AKAP6: variants seen among roughly 807,000 people sequenced by gnomAD.
AKAP6 encodes the protein A-kinase anchor protein 6.
In AKAP6, 58 loss-of-function variants were observed where a neutral mutation model predicts 188.5. The ratio of observed to expected loss-of-function variants is 0.31; its 90% confidence interval spans 0.25 to 0.38. AKAP6 has a LOEUF of 0.38. Ranked by LOEUF, AKAP6 falls within the 10% of genes least tolerant of loss-of-function variation. The pLI is 1.00. For missense variants in AKAP6, 2,710 were observed against 2,740.0 expected (o/e 0.99, Z 0.24); for synonymous variants, 989 against 998.6 (o/e 0.99, Z 0.18).
chr14:32,536,030 G>GT (rs1361126388), intron 3 of AKAP6, among the ~76,000 whole-genome samples: 1 of 152,194 alleles, frequency 6.6e-6, no homozygotes, highest in Admixed American at 6.5e-5. Flanking sequence ...GCCATTCATT[G>GT]TTATTGATGC....
At chr14:32,557,672 C>T (rs1408501801) in intron 4 of AKAP6, among the ~76,000 whole-genome samples, 1 of 152,150 alleles carries the variant, frequency 6.6e-6, no homozygotes, top group African/African-American at 2.4e-5. Context: ...TATCAGGAAG[C>T]GTCTTGAGGC....
At chr14:32,392,949 A>AT (rs2138588869) in intron 1 of AKAP6, among the ~76,000 whole-genome samples, 1 of 152,234 alleles carries the variant, frequency 6.6e-6, no homozygotes, top group South Asian at 2.1e-4. Flanking sequence ...ACCATTTATT[A>AT]TTTTTTAATT....
chr14:32,598,958 A>G (rs1190096232), intron 5 of AKAP6, among the ~76,000 whole-genome samples: 1 of 152,184 alleles, frequency 6.6e-6, no homozygotes, highest in East Asian at 1.9e-4. Context: ...TGAGAAACAG[A>G]ACTGAATCAA....
At chr14:32,394,953 G>A (rs1888831402) in intron 1 of AKAP6, among the ~76,000 whole-genome samples, 1 of 152,136 alleles carries the variant, frequency 6.6e-6, no homozygotes, top group Non-Finnish European at 1.5e-5. Flanking sequence ...ATCACTGAGT[G>A]GATCCTGAAA....
intron 11 of AKAP6, among the ~76,000 whole-genome samples, chr14:32,768,056 G>C (rs1336348006): frequency 6.6e-6 from 1 of 152,106 alleles, no homozygotes; most frequent in Non-Finnish European, 1.5e-5. Flanking sequence ...ATAATGAAAA[G>C]TATAAAGTTT....
At chr14:32,750,750 T>TTG (rs397835626) in intron 11 of AKAP6, among the ~76,000 whole-genome samples, 1 of 142,480 alleles carries the variant, frequency 7.0e-6, no homozygotes. Flanking sequence ...TTTTTTTTTT[T>TTG]GTTTTTTTTT....
rs149005439 is a variant in AKAP6, at chr14:32,388,881, G to T, written c.-34-44579G>T. On this transcript the variant is annotated intron_variant, in intron 1 of 13. Transcript: ENST00000280979. ...ATCTGTTAAGTCCATTTGTTCCAGG[G>T]TATAGTTTAAATCAATTGTTTCTTT... Among the ~76,000 whole-genome samples, 236 of 152,204 alleles carry T rather than the reference G, an allele frequency of 1.6e-3. 1 individual carries two copies. Among genetic ancestry groups the T allele is most frequent in the African/African-American group, 5.3e-3 (220 of 41,542 alleles).
At chr14:32,802,193 T>C (rs1270579166) in intron 12 of AKAP6, among the ~76,000 whole-genome samples, 1 of 152,208 alleles carries the variant, frequency 6.6e-6, no homozygotes, top group Non-Finnish European at 1.5e-5. Flanking sequence ...AGTTTGGGAA[T>C]TTTTTGTTTA....
At chr14:32,595,216 C>T (rs910459347) in intron 5 of AKAP6, among the ~76,000 whole-genome samples, 3 of 152,152 alleles carry the variant, frequency 2.0e-5, no homozygotes, top group Admixed American at 1.3e-4. Flanking sequence ...AGATTTGCAC[C>T]AGCCACTCTC....
At chr14:32,534,639 C>T (rs1882582257) in intron 2 of AKAP6, among the ~76,000 whole-genome samples, 1 of 151,962 alleles carries the variant, frequency 6.6e-6, no homozygotes, top group Non-Finnish European at 1.5e-5. Flanking sequence ...AGTGATTCTG[C>T]TTGCAAAGTG....
chr14:32,782,758 TAACTA>T (rs2033291008), intron 12 of AKAP6, among the ~76,000 whole-genome samples: 2 of 152,078 alleles, frequency 1.3e-5, no homozygotes, highest in African/African-American at 2.4e-5. Context: ...TAACAAATAA[TAACTA>T]AATTAATAGT....
chr14:32,763,890 A>G (rs1407415600), intron 11 of AKAP6, among the ~76,000 whole-genome samples: 2 of 152,176 alleles, frequency 1.3e-5, no homozygotes, highest in African/African-American at 2.4e-5. Context: ...GTCATTATTC[A>G]TACTTCATTT....
At chr14:32,519,774 T>C (rs2139053824) in intron 2 of AKAP6, among the ~76,000 whole-genome samples, 1 of 152,258 alleles carries the variant, frequency 6.6e-6, no homozygotes, top group East Asian at 1.9e-4. Flanking sequence ...ACTGTCAACA[T>C]TAGACAGATC....
chr14:32,456,044 T>C (rs941107487), intron 2 of AKAP6, among the ~76,000 whole-genome samples: 1 of 152,134 alleles, frequency 6.6e-6, no homozygotes, highest in East Asian at 1.9e-4. Flanking sequence ...CTGTTTTTTT[T>C]CGGTGGTAGA....
chr14:32,559,705 T>C (rs1012499476), intron 4 of AKAP6, among the ~76,000 whole-genome samples: 1 of 151,344 alleles, frequency 6.6e-6, no homozygotes, highest in Non-Finnish European at 1.5e-5. Flanking sequence ...TCAGAATCCC[T>C]GGGGTTGGGT....
At chr14:32,478,695 C>T (rs1281739391) in intron 2 of AKAP6, among the ~76,000 whole-genome samples, 2 of 152,114 alleles carry the variant, frequency 1.3e-5, no homozygotes, top group African/African-American at 4.8e-5. Context: ...TCCTAGAACA[C>T]ATAAACTACA....
intron 1 of AKAP6, among the ~76,000 whole-genome samples, chr14:32,411,312 A>T (rs756000084): frequency 6.6e-6 from 1 of 152,194 alleles, no homozygotes; most frequent in Admixed American, 6.6e-5. Flanking sequence ...CCTTCCACCA[A>T]TATCTTTAGA....
intron 1 of AKAP6, among the ~76,000 whole-genome samples, chr14:32,357,643 A>G (rs568947948): frequency 1.4e-4 from 21 of 152,326 alleles, no homozygotes; most frequent in African/African-American, 4.6e-4. Context: ...GGCTGCTACT[A>G]ACACATGTGG....
chr14:32,802,342 C>T (rs2033973604), intron 12 of AKAP6, among the ~76,000 whole-genome samples: 1 of 152,174 alleles, frequency 6.6e-6, no homozygotes, highest in Non-Finnish European at 1.5e-5. Flanking sequence ...AATAGCCTAC[C>T]TATCCAGTTG....
Sources: gnomAD v4.1 joint callset for allele counts (sites outside exome capture counted in the v4.1 genomes callset) on GRCh38, gnomAD v4.1.1 for gene constraint, MANE v1.5 for transcripts, NCBI Gene and HGNC (gene_info 2026-07-23, HGNC 2026-07-21) for gene names.